The following SOX5 variants were observed in gnomAD, a reference collection of about 807,000 sequenced individuals.
SOX5 encodes the protein transcription factor SOX-5.
A neutral mutation model predicts 92.0 loss-of-function variants in SOX5; 9 were observed. The observed-to-expected ratio is 0.10, with a 90% CI of 0.06 to 0.17. The LOEUF is 0.17. Ranked by LOEUF, SOX5 falls within the 10% of genes least tolerant of loss-of-function variation. The pLI is 1.00. For synonymous variants in SOX5, 344 were observed against 336.3 expected (o/e 1.02, Z -0.25); for missense variants, 642 against 944.5 (o/e 0.68, Z 4.20).
intron 2 of SOX5, among the ~76,000 whole-genome samples, chr12:23,853,676 C>G (rs2096658073): frequency 6.6e-6 from 1 of 151,556 alleles, no homozygotes. Context: ...GCTCTCAAAA[C>G]CTCTTAATAA....
At chr12:24,433,984 G>C (rs995436418) in intron 1 of SOX5, among the ~76,000 whole-genome samples, 2 of 152,118 alleles carry the variant, frequency 1.3e-5, no homozygotes, top group Admixed American at 1.3e-4. Context: ...AAGGCCAATG[G>C]CATTGCCTCA....
At chr12:24,166,124 A>G (rs1368616066) in intron 4 of SOX5, among the ~76,000 whole-genome samples, 1 of 152,114 alleles carries the variant, frequency 6.6e-6, no homozygotes, top group Non-Finnish European at 1.5e-5. Context: ...GAATACGATG[A>G]CACTGGATGT....
At chr12:23,636,531 A>G (rs993490724) in intron 8 of SOX5, among the ~76,000 whole-genome samples, 1 of 152,220 alleles carries the variant, frequency 6.6e-6, no homozygotes, top group Non-Finnish European at 1.5e-5. Context: ...TCAAATGAAA[A>G]CACATATGGT....
chr12:23,832,494 A>T (rs2096344578), intron 3 of SOX5, among the ~76,000 whole-genome samples: 1 of 152,084 alleles, frequency 6.6e-6, no homozygotes, highest in Admixed American at 6.6e-5. Context: ...AAATGTATAA[A>T]GGAGAATTAT....
intron 3 of SOX5, among the ~76,000 whole-genome samples, chr12:23,765,684 C>A (rs2094703116): frequency 1.3e-5 from 2 of 151,976 alleles, no homozygotes; most frequent in South Asian, 4.2e-4. Context: ...CTTTTAATGG[C>A]ATAAAGTACC....
chr12:24,504,375 A>T (rs549892054), intron 1 of SOX5, among the ~76,000 whole-genome samples: 3 of 152,170 alleles, frequency 2.0e-5, no homozygotes, highest in South Asian at 2.1e-4. Flanking sequence ...GTGGGCTTTT[A>T]AAAAAATTAC....
At chr12:23,625,810 T>A (rs2077707971) in intron 8 of SOX5, among the ~76,000 whole-genome samples, 1 of 152,178 alleles carries the variant, frequency 6.6e-6, no homozygotes, top group African/African-American at 2.4e-5. Flanking sequence ...GGTTTCACCA[T>A]GTTGGTCAGG....
chr12:23,681,866 A>C (rs2086680068), intron 6 of SOX5, among the ~76,000 whole-genome samples: 1 of 151,840 alleles, frequency 6.6e-6, no homozygotes, highest in Non-Finnish European at 1.5e-5. Context: ...CTAACACTAA[A>C]GTTTCAATTA....
intron 2 of SOX5, among the ~76,000 whole-genome samples, chr12:24,358,472 T>G (rs923812409): frequency 1.3e-5 from 2 of 151,650 alleles, no homozygotes; most frequent in Non-Finnish European, 2.9e-5. Flanking sequence ...CCAAAAAAAA[T>G]TGTCCTTTCG....
intron 4 of SOX5, among the ~76,000 whole-genome samples, chr12:24,099,347 T>C (rs1196825998): frequency 1.3e-5 from 2 of 152,124 alleles, no homozygotes; most frequent in African/African-American, 4.8e-5. Context: ...ATCAACAGCC[T>C]GGGAAGAAAC....
chr12:24,358,256 C>A (rs1413380321), intron 2 of SOX5, among the ~76,000 whole-genome samples: 2 of 152,118 alleles, frequency 1.3e-5, no homozygotes, highest in Non-Finnish European at 1.5e-5. Context: ...ATTTAATTAG[C>A]AAAATTGCTA....
At chr12:23,863,606 T>TATATGTCATCTCTCAATACCATATG (rs1369008446) in intron 2 of SOX5, among the ~76,000 whole-genome samples, 15 of 152,176 alleles carry the variant, frequency 9.9e-5, no homozygotes, top group Non-Finnish European at 1.9e-4. Flanking sequence ...TTTATCCCTA[T>TATATGTCATCTCTCAATACCATATG]ATATGTCATC....
At chr12:23,829,774 A>T (rs1163805286) in intron 3 of SOX5, among the ~76,000 whole-genome samples, 1 of 152,172 alleles carries the variant, frequency 6.6e-6, no homozygotes, top group Non-Finnish European at 1.5e-5. Flanking sequence ...TTATTGAGTC[A>T]AATAGCCAAA....
chr12:23,842,053 G>A (rs2096525146), intron 3 of SOX5, among the ~76,000 whole-genome samples: 1 of 152,076 alleles, frequency 6.6e-6, no homozygotes, highest in Non-Finnish European at 1.5e-5. Flanking sequence ...AAAAATACAT[G>A]AAACAATTTC....
At chr12:24,021,507 T>G (rs1225890858) in intron 4 of SOX5, among the ~76,000 whole-genome samples, 1 of 152,104 alleles carries the variant, frequency 6.6e-6, no homozygotes, top group Non-Finnish European at 1.5e-5. Context: ...AATGGTAAAC[T>G]CTCAGGACCA....
intron 2 of SOX5, among the ~76,000 whole-genome samples, chr12:23,869,341 T>C (rs868351284): frequency 7.9e-5 from 12 of 152,168 alleles, no homozygotes; most frequent in South Asian, 2.1e-4. Flanking sequence ...CTGTTCCTTA[T>C]TATAAGCTCT....
intron 2 of SOX5, among the ~76,000 whole-genome samples, chr12:24,287,459 C>T (rs1946018578): frequency 6.6e-6 from 1 of 152,278 alleles, no homozygotes; most frequent in Non-Finnish European, 1.5e-5. Context: ...TTGCCGCTGT[C>T]AGCCAAGCCC....
chr12:23,576,896 T>C (rs1045859506), intron 9 of SOX5, among the ~76,000 whole-genome samples: 5 of 151,784 alleles, frequency 3.3e-5, no homozygotes, highest in Non-Finnish European at 4.4e-5. Context: ...TTAATATTAT[T>C]GTAGAATAAA....
chr12:23,803,810 G>T (rs959160842), intron 3 of SOX5, among the ~76,000 whole-genome samples: 9 of 151,952 alleles, frequency 5.9e-5, no homozygotes, highest in South Asian at 4.1e-4. Context: ...CCCAGAATGG[G>T]TTTTTTTTAG....
Sources: gnomAD v4.1 joint callset for allele counts (sites outside exome capture counted in the v4.1 genomes callset) on GRCh38, gnomAD v4.1.1 for gene constraint, MANE v1.5 for transcripts, NCBI Gene and HGNC (gene_info 2026-07-23, HGNC 2026-07-21) for gene names.